KDM4C: variants seen among roughly 807,000 people sequenced by gnomAD.
KDM4C encodes lysine demethylase 4C.
In KDM4C, 81 loss-of-function variants were observed where a neutral mutation model predicts 129.3. The ratio of observed to expected loss-of-function variants is 0.63; its 90% CI spans 0.52 to 0.75. The LOEUF (loss-of-function observed/expected upper bound fraction) is 0.75. KDM4C is among the 30% of genes least tolerant of loss of function. The pLI is 0.00. For missense variants in KDM4C, 1,457 were observed against 1,304.0 expected, an observed-to-expected ratio of 1.12 and a Z score of -1.81; for synonymous variants, 573 against 456.1, an observed-to-expected ratio of 1.26 and a Z score of -3.26.
At chr9:6,755,317 G>A (rs952469313), upstream of KDM4C, among the ~76,000 whole-genome samples, 1 of 152,244 alleles carries the variant, frequency 6.6e-6, no homozygotes, top group African/African-American at 2.4e-5. Context: ...GTTGCAGTGA[G>A]CTGAGATCGC....
At position 6,988,158 on chromosome 9, in the gene KDM4C, TAAAAAAAAAAA is replaced by T. The variant is rs60244122; in HGVS notation, c.1677+1508_1677+1518del. On this transcript the variant is annotated intron_variant, in intron 11 of 21. Transcript: ENST00000381309. ...TGACAGAGTGAGAGACCCTGTCTCT[TAAAAAAAAAAA>T]AAAAAAAAAAAAAAAGGAAAAAAAA... 4.4e-3 allele frequency among the ~76,000 whole-genome samples: 372 copies of T among 85,328 alleles called. 3 individuals carry two copies. Among genetic ancestry groups the T allele is most frequent in the African/African-American group, 0.015 (332 of 21,798 alleles). 56.0% of individuals were successfully genotyped at this position (85,328 alleles called of 152,430 possible).
chr9:7,033,065 G>C (rs1827049509), intron 15 of KDM4C, among the ~76,000 whole-genome samples: 1 of 151,704 alleles, frequency 6.6e-6, no homozygotes. Flanking sequence ...CAGAGCGATT[G>C]ATTTTGAGAT....
intron 5 of KDM4C, among the ~76,000 whole-genome samples, chr9:6,876,546 C>G (rs952567709): frequency 6.6e-6 from 1 of 152,174 alleles, no homozygotes; most frequent in African/African-American, 2.4e-5. Flanking sequence ...AATATATGCA[C>G]CTTGCTGTTT....
chr9:6,793,666 A>C (rs765200248), intron 2 of KDM4C, among the ~76,000 whole-genome samples: 2 of 150,938 alleles, frequency 1.3e-5, no homozygotes, highest in African/African-American at 2.4e-5. Context: ...CAGCCTCCCG[A>C]AGTAGCTGGG....
intron 2 of KDM4C, among the ~76,000 whole-genome samples, chr9:6,800,779 A>C (rs62567984): frequency 0.071 from 10,738 of 152,004 alleles, 554 homozygotes; most frequent in Non-Finnish European, 0.11. Flanking sequence ...GGCGTGTGCC[A>C]CCACACCTGG....
intron 1 of KDM4C, among the ~76,000 whole-genome samples, chr9:6,744,869 C>T (rs1305369173): frequency 2.7e-5 from 4 of 150,818 alleles, no homozygotes; most frequent in Non-Finnish European, 5.9e-5. Flanking sequence ...GTGGGGAGAG[C>T]AGGGGATACC....
At chr9:7,149,977 C>G (rs1047767012) in intron 19 of KDM4C, among the ~76,000 whole-genome samples, 1 of 152,122 alleles carries the variant, frequency 6.6e-6, no homozygotes, top group Non-Finnish European at 1.5e-5. Flanking sequence ...ATTTTGGCTC[C>G]TGGTATGGTG....
intron 6 of KDM4C, among the ~76,000 whole-genome samples, chr9:6,885,628 A>C (rs1385166016): frequency 2.0e-5 from 3 of 152,088 alleles, no homozygotes; most frequent in Non-Finnish European, 4.4e-5. Context: ...GACAAAAAAA[A>C]AAAAAAGGCA....
At chr9:7,161,921 C>G (rs1156694561) in intron 19 of KDM4C, among the ~76,000 whole-genome samples, 1 of 152,186 alleles carries the variant, frequency 6.6e-6, no homozygotes, top group Non-Finnish European at 1.5e-5. Flanking sequence ...TGTGAAACAG[C>G]TGATGAATTG....
intron 4 of KDM4C, among the ~76,000 whole-genome samples, chr9:6,833,615 A>C (rs1835314012): frequency 6.6e-6 from 1 of 152,162 alleles, no homozygotes; most frequent in South Asian, 2.1e-4. Context: ...AGTGTTGATA[A>C]TAGTTGATGG....
intron 8 of KDM4C, among the ~76,000 whole-genome samples, chr9:6,914,076 TG>T (rs527363484): frequency 1.1e-3 from 163 of 152,368 alleles, no homozygotes; most frequent in African/African-American, 3.8e-3. Context: ...CCCTTTTTTT[TG>T]AGACGGAGTT....
Position 7,044,214 on chromosome 9 carries a change from G to A in KDM4C, c.2260-2648G>A, listed in dbSNP as rs902352831. 3.3e-5 allele frequency among the ~76,000 whole-genome samples: 5 copies of A among 152,094 alleles called. No homozygotes were observed. In the East Asian group the frequency reaches 9.7e-4, roughly 29 times the overall value. On this transcript the variant is annotated intron_variant, in intron 15 of 21. Transcript: ENST00000381309. ...TTCTTGTTTGAGGGAGTAACATTTA[G>A]GTTGAGATTTCAAGAATGTGTTTAG...
At chr9:7,038,764 A>G (rs549641922) in intron 15 of KDM4C, among the ~76,000 whole-genome samples, 1 of 152,064 alleles carries the variant, frequency 6.6e-6, no homozygotes, top group African/African-American at 2.4e-5. Context: ...CGTAACCATC[A>G]TAACAGCTTA....
chr9:6,822,605 T>C (rs927596641), intron 4 of KDM4C, among the ~76,000 whole-genome samples: 2 of 152,236 alleles, frequency 1.3e-5, no homozygotes, highest in African/African-American at 2.4e-5. Flanking sequence ...TTTTTTGTTA[T>C]GTTTCACTAA....
chr9:6,807,563 G>A (rs1210063241), intron 3 of KDM4C, among the ~76,000 whole-genome samples: 3 of 149,908 alleles, frequency 2.0e-5, no homozygotes, highest in Non-Finnish European at 4.5e-5. Context: ...GAGCGCCTCT[G>A]CCCGGCCGAG....
At chr9:6,956,197 G>A (rs991246626) in intron 8 of KDM4C, among the ~76,000 whole-genome samples, 2 of 152,176 alleles carry the variant, frequency 1.3e-5, no homozygotes, top group African/African-American at 4.8e-5. Flanking sequence ...ACAATGTGGT[G>A]ACTATAGTCG....
intron 8 of KDM4C, among the ~76,000 whole-genome samples, chr9:6,977,014 A>G (rs988731968): frequency 3.9e-5 from 6 of 152,080 alleles, no homozygotes; most frequent in African/African-American, 1.4e-4. Context: ...TATGAGATTA[A>G]TTTTTGTATT....
chr9:7,132,803 A>G (rs568729335), intron 19 of KDM4C, among the ~76,000 whole-genome samples: 47 of 152,160 alleles, frequency 3.1e-4, no homozygotes, highest in African/African-American at 4.1e-4. Context: ...CTTTGAGCTC[A>G]CTTTGAGGGA....
intron 12 of KDM4C, among the ~76,000 whole-genome samples, chr9:7,008,680 C>T (rs1093705): frequency 0.89 from 134,911 of 152,240 alleles, 60,487 homozygotes; most frequent in Non-Finnish European, 0.95. Flanking sequence ...AGCTGGCCCC[C>T]GTGAACCCAA....
Sources: gnomAD v4.1 joint callset for allele counts (sites outside exome capture counted in the v4.1 genomes callset) on GRCh38, gnomAD v4.1.1 for gene constraint, MANE v1.5 for transcripts, NCBI Gene and HGNC (gene_info 2026-07-23, HGNC 2026-07-21) for gene names.